Variants in COL23A1 observed in about 807,000 individuals in gnomAD.
COL23A1 encodes the protein collagen alpha-1(XXIII) chain.
In COL23A1, 97 loss-of-function variants were observed where a neutral mutation model predicts 99.3. That is an observed-to-expected ratio of 0.98 (90% CI 0.83 to 1.16). The LOEUF is 1.16. Ranked by LOEUF, COL23A1 falls within the 50% of genes most tolerant of loss-of-function variation. The pLI, the probability that COL23A1 is intolerant of heterozygous loss-of-function variation, is 0.00. For missense variants in COL23A1, 762 were observed against 757.4 expected (o/e 1.01, Z -0.07); for synonymous variants, 320 against 308.2 (o/e 1.04, Z -0.40).
chr5:178,484,779 G>A (rs900681802), intron 2 of COL23A1, among the ~76,000 whole-genome samples: 9 of 136,468 alleles, frequency 6.6e-5, no homozygotes, highest in South Asian at 2.3e-4. Flanking sequence ...CTGAGATCGC[G>A]CCACTGTACT....
intron 2 of COL23A1, among the ~76,000 whole-genome samples, chr5:178,413,023 C>CAAA (rs34110305): frequency 1.5e-3 from 216 of 148,378 alleles, no homozygotes; most frequent in African/African-American, 4.8e-3. Context: ...CCCATTTCTA[C>CAAA]AAAAAAAAAA....
intron 2 of COL23A1, among the ~76,000 whole-genome samples, chr5:178,401,352 T>G (rs1764437952): frequency 6.6e-6 from 1 of 152,254 alleles, no homozygotes; most frequent in African/African-American, 2.4e-5. Flanking sequence ...CTTTCAGGGA[T>G]CATCCCTGTA....
At chr5:178,558,383 G>A (rs1276274069) in intron 2 of COL23A1, among the ~76,000 whole-genome samples, 1 of 152,120 alleles carries the variant, frequency 6.6e-6, no homozygotes, top group East Asian at 1.9e-4. Flanking sequence ...GGAGCTCCAT[G>A]CCAGCTTGTG....
At chr5:178,423,615 C>T (rs973784396) in intron 2 of COL23A1, among the ~76,000 whole-genome samples, 1 of 152,264 alleles carries the variant, frequency 6.6e-6, no homozygotes, top group East Asian at 1.9e-4. Context: ...AGTCGAGGGG[C>T]ATCTGTGCAT....
intron 1 of COL23A1, among the ~76,000 whole-genome samples, chr5:178,585,529 G>T (rs1284241913): frequency 1.4e-5 from 2 of 147,520 alleles, no homozygotes; most frequent in Non-Finnish European, 3.0e-5. Context: ...CCTGGATGAC[G>T]CTGGAGTAAC....
intron 2 of COL23A1, among the ~76,000 whole-genome samples, chr5:178,330,731 C>T (rs2127644672): frequency 6.6e-6 from 1 of 152,264 alleles, no homozygotes. Context: ...TGACACGTCT[C>T]TGTTCTCATT....
chr5:178,305,468 T>C (rs1758300207), intron 3 of COL23A1, among the ~76,000 whole-genome samples: 1 of 152,102 alleles, frequency 6.6e-6, no homozygotes, highest in South Asian at 2.1e-4. Context: ...ATGGCCACCT[T>C]GTGAAGTTGC....
rs746055723 is a variant in COL23A1, at chr5:178,245,980, C to G, written c.1414-12G>C. The stretch of plus-strand genomic sequence containing the variant: ...TCCCCGGGTCTGCCCTGAGGAGAGA[C>G]ACAGAGTGGGTGAGAGGGGTTGGGG... On this transcript the variant is annotated splice_polypyrimidine_tract_variant and intron_variant, in intron 24 of 28. Transcript: ENST00000390654. The G allele has an allele frequency of 2.0e-4, 319 of 1,614,052 alleles. 3 individuals are homozygous for G. In the Admixed American group the frequency reaches 4.7e-3, roughly 24 times the overall value.
chr5:178,407,467 C>G (rs1264769744), intron 2 of COL23A1, among the ~76,000 whole-genome samples: 1 of 152,168 alleles, frequency 6.6e-6, no homozygotes, highest in East Asian at 1.9e-4. Context: ...AGGCAAACCT[C>G]AACTCCAATG....
At chr5:178,246,530 A>G in intron 22 of COL23A1, 77 bp from the exon 23 acceptor site, 7 of 1,431,934 alleles carry the variant, frequency 4.9e-6, no homozygotes, top group Non-Finnish European at 6.7e-6. Flanking sequence ...GGAGACTGCA[A>G]GGGAGCTGGG....
intron 27 of COL23A1, 77 bp downstream of exon 27, chr5:178,241,965 G>A (rs892221921): frequency 3.1e-5 from 36 of 1,148,220 alleles, no homozygotes; most frequent in South Asian, 1.5e-4. Flanking sequence ...GCTGAGTTCC[G>A]AGGACAGGGA....
At chr5:178,517,446 G>A (rs2128000108) in intron 2 of COL23A1, among the ~76,000 whole-genome samples, 1 of 152,106 alleles carries the variant, frequency 6.6e-6, no homozygotes, top group East Asian at 1.9e-4. Context: ...TGTGCAGGAA[G>A]GATGCTAACA....
rs190149487 is a variant in COL23A1, at chr5:178,556,370, C to T, written c.361+4312G>A. 4.2e-3 allele frequency among the ~76,000 whole-genome samples: 642 copies of T among 152,282 alleles called. 7 individuals are homozygous for T. Among genetic ancestry groups the T allele is most frequent in the African/African-American group, 0.015 (607 of 41,566 alleles). On this transcript the variant is annotated intron_variant, in intron 2 of 28. Coordinates refer to ENST00000390654, the MANE Select transcript of COL23A1 (RefSeq NM_173465.4). ...AGGCATGGTGGCTCACGCCTATAAT[C>T]CCAGTACTTTGGGAGGCCGAGGCGG... is the stretch of plus-strand genomic sequence containing the variant.
intron 2 of COL23A1, among the ~76,000 whole-genome samples, chr5:178,553,743 C>CA: frequency 6.6e-6 from 1 of 152,300 alleles, no homozygotes; most frequent in East Asian, 1.9e-4. Flanking sequence ...CTGTTTCTCT[C>CA]ACTCCAGCAT....
chr5:178,448,529 T>A (rs116122700), intron 2 of COL23A1, among the ~76,000 whole-genome samples: 136 of 152,348 alleles, frequency 8.9e-4, no homozygotes, highest in Non-Finnish European at 1.7e-3. Context: ...TTCTGGAGGC[T>A]TGGAATTCCA....
At chr5:178,523,298 G>C (rs192144465) in intron 2 of COL23A1, among the ~76,000 whole-genome samples, 3 of 145,172 alleles carry the variant, frequency 2.1e-5, no homozygotes, top group Non-Finnish European at 4.5e-5. Context: ...GTGGTGGTGC[G>C]CGCCCGTAAT....
rs1035636113 is a variant in COL23A1, at chr5:178,468,026, C to A, written c.361+92656G>T. Among the ~76,000 whole-genome samples, 3 of 152,080 alleles carry A rather than the reference C, an allele frequency of 2.0e-5. No individual in the cohort carries two copies. Among genetic ancestry groups the A allele is most frequent in the African/African-American group, 7.2e-5 (3 of 41,404 alleles). ...GGCGATGCTCTCTGGAGCGGACAGGCGTATTTAATATCCCACCCACGCATC... is the reference window on the plus strand; with the variant it reads ...GGCGATGCTCTCTGGAGCGGACAGGAGTATTTAATATCCCACCCACGCATC... On this transcript the variant is annotated intron_variant, in intron 2 of 28. Coordinates refer to ENST00000390654, the MANE Select transcript of COL23A1 (RefSeq NM_173465.4). This position sits in a 1 kb window ranked among gnomAD's most constrained non-coding sequence, Gnocchi z 4.2.
intron 2 of COL23A1, among the ~76,000 whole-genome samples, chr5:178,518,483 GC>G: frequency 6.8e-6 from 1 of 147,072 alleles, no homozygotes; most frequent in South Asian, 2.1e-4. Context: ...CCGGGCAGAG[GC>G]GCCCCTCACC....
At chr5:178,251,525 A>G (rs6422346) in intron 17 of COL23A1, among the ~76,000 whole-genome samples, 111,929 of 152,084 alleles carry the variant, frequency 0.74, 41,458 homozygotes, top group Middle Eastern at 0.86. Flanking sequence ...AATTCAACTT[A>G]TCAAGGTTTG....
Sources: allele counts gnomAD v4.1 joint callset (sites outside exome capture counted in the v4.1 genomes callset), GRCh38; gene constraint gnomAD v4.1.1; non-coding constraint Gnocchi (gnomAD v3.1); transcripts MANE v1.5; gene names NCBI Gene and HGNC (gene_info 2026-07-23, HGNC 2026-07-21).